SLC14A2: variants seen among roughly 807,000 people sequenced by gnomAD.
The protein encoded by SLC14A2 is urea transporter 2.
SLC14A2 carries 91 observed loss-of-function variants against 104.6 expected under a neutral mutation model. The ratio of observed to expected loss-of-function variants is 0.87; its 90% CI spans 0.73 to 1.04. The LOEUF (loss-of-function observed/expected upper bound fraction) is 1.04, where lower values mean the gene tolerates loss of function less well. Ranked by LOEUF, SLC14A2 falls within the 50% of genes least tolerant of loss-of-function variation. The pLI is 0.00. For missense variants in SLC14A2, 1,189 were observed against 1,156.0 expected, an observed-to-expected ratio of 1.03 and a Z score of -0.41; for synonymous variants, 476 against 466.4, an observed-to-expected ratio of 1.02 and a Z score of -0.27.
intron 1 of SLC14A2, among the ~76,000 whole-genome samples, chr18:45,400,191 C>T (rs1048879075): frequency 2.0e-5 from 3 of 152,174 alleles, no homozygotes; most frequent in African/African-American, 7.2e-5. Context: ...TGTTTTTTTA[C>T]AGCAAAAGAG....
chr18:45,668,285 A>G (rs1362509586), intron 14 of SLC14A2, 64 bp from the exon 15 acceptor site: 5 of 1,591,908 alleles, frequency 3.1e-6, no homozygotes, highest in Non-Finnish European at 4.3e-6. Context: ...AATCTGACTC[A>G]ATAGGAAAAT....
intron 1 of SLC14A2, among the ~76,000 whole-genome samples, chr18:45,337,859 G>T (rs2085351407): frequency 6.6e-6 from 1 of 152,146 alleles, no homozygotes; most frequent in African/African-American, 2.4e-5. Flanking sequence ...CTTTAGTGGG[G>T]AAAATTTGCA....
chr18:45,593,617 G>T lies in SLC14A2; in HGVS notation c.-34-31014G>T, dbSNP rs562802295. On this transcript the variant is annotated intron_variant, in intron 2 of 20. Transcript: ENST00000586448. The stretch of plus-strand genomic sequence containing the variant: ...CCGTTCTCCTGCCTCAGCCTCCCAA[G>T]TTGCTGGGACTACAGGTGCCTGCCA... Among the ~76,000 whole-genome samples the T allele has an allele frequency of 2.0e-5, 3 of 146,940 alleles. No individual in the cohort carries two copies. The East Asian group carries it at 6.4e-4, about 31-fold the overall frequency.
At chr18:45,235,925 A>ATGTATG (rs2084227912) in intron 1 of SLC14A2, among the ~76,000 whole-genome samples, 1 of 100,886 alleles carries the variant, frequency 9.9e-6, no homozygotes, top group African/African-American at 5.0e-5. Context: ...ATATGTGTGT[A>ATGTATG]TATATGTATA....
chr18:45,467,808 G>C (rs537887451), intron 1 of SLC14A2, among the ~76,000 whole-genome samples: 1 of 152,276 alleles, frequency 6.6e-6, no homozygotes, highest in African/African-American at 2.4e-5. Context: ...AAATTAAAAA[G>C]TGATACATAT....
At chr18:45,682,173 A>C (rs757416410) in intron 19 of SLC14A2, 146 bp from the exon 20 acceptor site, 8 of 739,412 alleles carry the variant, frequency 1.1e-5, no homozygotes, top group African/African-American at 1.7e-5. Context: ...CACTGGCATG[A>C]TTTTATTTAT....
chr18:45,175,109 C>A, the SLC14A2 span, among the ~76,000 whole-genome samples: 3 of 152,134 alleles, frequency 2.0e-5, no homozygotes, highest in Non-Finnish European at 4.4e-5. Flanking sequence ...GACCTGTAAT[C>A]CCAGTCCTGG....
chr18:45,268,911 T>C (rs889935657), intron 1 of SLC14A2, among the ~76,000 whole-genome samples: 2 of 151,906 alleles, frequency 1.3e-5, no homozygotes, highest in African/African-American at 4.8e-5. Context: ...AGTTCTGATC[T>C]GGGTGGAAAG....
intron 2 of SLC14A2, among the ~76,000 whole-genome samples, chr18:45,539,324 G>A (rs563747197): frequency 4.4e-4 from 67 of 152,316 alleles, no homozygotes; most frequent in Non-Finnish European, 7.4e-4. Flanking sequence ...CTTAGGTTAT[G>A]TCTATCTGTA....
At chr18:45,188,412 C>G in the SLC14A2 span, among the ~76,000 whole-genome samples, 1 of 152,122 alleles carries the variant, frequency 6.6e-6, no homozygotes, top group South Asian at 2.1e-4. Context: ...AGGTTACCAT[C>G]TTTTCTTTTA....
At chr18:45,437,124 G>A (rs970191540) in intron 1 of SLC14A2, among the ~76,000 whole-genome samples, 2 of 152,168 alleles carry the variant, frequency 1.3e-5, no homozygotes, top group Non-Finnish European at 2.9e-5. Flanking sequence ...GCATGAGTGC[G>A]CATCCCTCTG....
At chr18:45,297,448 G>A (rs2084927720) in intron 1 of SLC14A2, among the ~76,000 whole-genome samples, 1 of 152,242 alleles carries the variant, frequency 6.6e-6, no homozygotes, top group Admixed American at 6.5e-5. Flanking sequence ...AACTAATGCA[G>A]ATGAGAGTGT....
intron 2 of SLC14A2, among the ~76,000 whole-genome samples, chr18:45,515,935 T>C (rs1009567460): frequency 2.0e-5 from 3 of 152,226 alleles, no homozygotes; most frequent in African/African-American, 7.2e-5. Flanking sequence ...ACCCAAGCCA[T>C]TGTGGTAACT....
Position 45,639,835 on chromosome 18 carries a change from C to G in SLC14A2, c.933C>G (p.Ile311Met), listed in dbSNP as rs2045489922. The G allele has an allele frequency of 6.2e-7, 1 of 1,613,914 alleles. No individual in the cohort carries two copies. The highest frequency in any genetic ancestry group is 8.5e-7 in the Non-Finnish European group (1 of 1,179,988). ...GCGTGTTCCTGGTGGCTCTGTTCAT[C>G]TCCTCGCCACTCATCTGCTTGCATG... ...TGGVFLVALF[I>M]SSPLICLHAA... is the part of the protein sequence containing the mutation. Residue 311 changes from isoleucine to methionine, a missense_variant, in exon 7 of 20, where the codon ATC (isoleucine) becomes ATG (methionine). Transcript: ENST00000255226.
intron 2 of SLC14A2, among the ~76,000 whole-genome samples, chr18:45,587,595 C>A (rs1467858425): frequency 6.6e-6 from 1 of 152,152 alleles, no homozygotes; most frequent in Non-Finnish European, 1.5e-5. Flanking sequence ...ATCTGAGATA[C>A]AGAACCTTTC....
At chr18:45,283,147 C>T (rs2084779947) in intron 1 of SLC14A2, among the ~76,000 whole-genome samples, 1 of 152,138 alleles carries the variant, frequency 6.6e-6, no homozygotes, top group African/African-American at 2.4e-5. Context: ...CCCAAAGTGC[C>T]CAGACACTGA....
chr18:45,476,168 G>A (rs112211245), intron 1 of SLC14A2, among the ~76,000 whole-genome samples: 49 of 152,172 alleles, frequency 3.2e-4, no homozygotes, highest in African/African-American at 1.1e-3. Context: ...CTTGTAAGGC[G>A]GGCCTGGTGG....
intron 1 of SLC14A2, among the ~76,000 whole-genome samples, chr18:45,343,142 C>CTT (rs34073750): frequency 4.5e-5 from 6 of 132,600 alleles, no homozygotes; most frequent in Admixed American, 7.7e-5. Flanking sequence ...GTTCTCTCTG[C>CTT]TTTTTTTTTT....
Position 45,389,669 on chromosome 18 carries a change from T to C in SLC14A2, c.-124-93564T>C, listed in dbSNP as rs186432072. 3.7e-3 allele frequency among the ~76,000 whole-genome samples: 563 copies of C among 152,334 alleles called. 11 individuals are homozygous for C. The highest frequency in any genetic ancestry group is 0.036 in the Admixed American group (547 of 15,306). On this transcript the variant is annotated intron_variant, in intron 1 of 20. Coordinates refer to the SLC14A2 transcript ENST00000586448. Reference sequence around the variant, plus strand: ...AAGGTGCTTTATATTTGAGAATATTTGCTTACAGGTGCCAGAGGCAATATA... The same window carrying C: ...AAGGTGCTTTATATTTGAGAATATTCGCTTACAGGTGCCAGAGGCAATATA...
Sources: gnomAD v4.1 joint callset for allele counts (sites outside exome capture counted in the v4.1 genomes callset) on GRCh38, gnomAD v4.1.1 for gene constraint, MANE v1.5 for transcripts, NCBI Gene and HGNC (gene_info 2026-07-23, HGNC 2026-07-21) for gene names.